CADM1: variants seen among roughly 807,000 people sequenced by gnomAD.
CADM1 encodes TSLC-1.
A neutral mutation model predicts 53.1 loss-of-function variants in CADM1; 15 were observed. That is an observed-to-expected ratio of 0.28 (90% CI 0.19 to 0.44). CADM1 has a LOEUF of 0.44. Ranked by LOEUF, CADM1 falls within the 20% of genes least tolerant of loss-of-function variation. CADM1 has a pLI of 1.00. For synonymous variants in CADM1, 281 were observed against 243.0 expected, an observed-to-expected ratio of 1.16 and a Z score of -1.45; for missense variants, 434 against 611.3, an observed-to-expected ratio of 0.71 and a Z score of 3.06.
chr11:115,474,757 T>A, intron 1 of CADM1, among the ~76,000 whole-genome samples: 1 of 151,034 alleles, frequency 6.6e-6, no homozygotes, highest in South Asian at 2.1e-4. Flanking sequence ...AAATGACGAG[T>A]TAATGGGTGC....
intron 1 of CADM1, among the ~76,000 whole-genome samples, chr11:115,503,733 A>C (rs912473415): frequency 6.6e-6 from 1 of 151,826 alleles, no homozygotes; most frequent in African/African-American, 2.4e-5. Flanking sequence ...GGGGCAGGGG[A>C]GATCAGACAA....
chr11:115,231,183 T>C (rs1164126035), intron 4 of CADM1, among the ~76,000 whole-genome samples, 170 bp downstream of exon 4: 1 of 152,244 alleles, frequency 6.6e-6, no homozygotes, highest in Non-Finnish European at 1.5e-5. Context: ...ATTAGAAGAA[T>C]AAAATGCTTT....
At chr11:115,296,329 G>A (rs1039796415) in intron 1 of CADM1, among the ~76,000 whole-genome samples, 2 of 152,106 alleles carry the variant, frequency 1.3e-5, no homozygotes, top group Non-Finnish European at 2.9e-5. Context: ...AAGTTTGCCC[G>A]CACCAAAACT....
chr11:115,476,690 G>A (rs982141678), intron 1 of CADM1, among the ~76,000 whole-genome samples: 3 of 152,158 alleles, frequency 2.0e-5, no homozygotes, highest in African/African-American at 4.8e-5. Context: ...ACAATGATAA[G>A]AGAATCAGGG....
chr11:115,495,450 A>G (rs1949588199), intron 1 of CADM1, among the ~76,000 whole-genome samples: 1 of 152,204 alleles, frequency 6.6e-6, no homozygotes, highest in Non-Finnish European at 1.5e-5. Flanking sequence ...GTGTCAGGCA[A>G]GCAAAAAAGG....
intron 1 of CADM1, among the ~76,000 whole-genome samples, chr11:115,392,222 TC>T (rs1298783348): frequency 6.6e-6 from 1 of 152,072 alleles, no homozygotes; most frequent in Non-Finnish European, 1.5e-5. Flanking sequence ...TATTTCTTAC[TC>T]CCCACTCAAA....
chr11:115,230,976 T>C (rs573232289), intron 4 of CADM1, among the ~76,000 whole-genome samples: 2 of 152,298 alleles, frequency 1.3e-5, no homozygotes, highest in Admixed American at 6.5e-5. Context: ...TGGTCCCCTC[T>C]AGGTCTCTGC....
At position 115,308,282 on chromosome 11, in the gene CADM1, C is replaced by G. The variant is rs547162031; in HGVS notation, c.125-67862G>C. 4.0e-5 allele frequency among the ~76,000 whole-genome samples: 6 copies of G among 150,744 alleles called. No individual in the cohort carries two copies. The East Asian group carries it at 1.2e-3, about 30-fold the overall frequency. On this transcript the variant is annotated intron_variant, in intron 1 of 11. Coordinates refer to ENST00000331581, the MANE Select transcript of CADM1 (RefSeq NM_001301043.2). ...AACATCACAACAGAATATTTCAGTA[C>G]TCTGGAGCAAAACACTCCACTGTCT...
At chr11:115,317,385 T>C (rs1033128057) in intron 1 of CADM1, among the ~76,000 whole-genome samples, 3 of 151,628 alleles carry the variant, frequency 2.0e-5, no homozygotes, top group Non-Finnish European at 2.9e-5. Flanking sequence ...AGAGTGGTTA[T>C]AAACTGTGAA....
intron 5 of CADM1, among the ~76,000 whole-genome samples, chr11:115,222,836 TACTC>T (rs1177530055): frequency 3.3e-5 from 5 of 152,200 alleles, no homozygotes; most frequent in African/African-American, 1.2e-4. Flanking sequence ...TGGGGGTACA[TACTC>T]ACAGAATATT....
intron 1 of CADM1, among the ~76,000 whole-genome samples, chr11:115,503,289 C>G (rs747017602): frequency 5.9e-5 from 9 of 152,232 alleles, no homozygotes; most frequent in Non-Finnish European, 8.8e-5. Context: ...CATCGGGCTC[C>G]AGCCGAGTGC....
intron 1 of CADM1, among the ~76,000 whole-genome samples, chr11:115,458,646 C>T (rs1401263030): frequency 6.6e-6 from 1 of 151,826 alleles, no homozygotes; most frequent in Admixed American, 6.6e-5. Flanking sequence ...CCCCCATCCA[C>T]ATTTAGCATT....
At chr11:115,471,886 T>G (rs1193799023) in intron 1 of CADM1, among the ~76,000 whole-genome samples, 3 of 152,064 alleles carry the variant, frequency 2.0e-5, no homozygotes, top group African/African-American at 4.8e-5. Flanking sequence ...AAAGATTGGG[T>G]TGGGCATGCA....
chr11:115,353,657 G>A (rs1461354589), intron 1 of CADM1, among the ~76,000 whole-genome samples: 3 of 152,126 alleles, frequency 2.0e-5, no homozygotes, highest in African/African-American at 7.2e-5. Context: ...GTTGAAGGGT[G>A]ACTTGAGTTC....
rs1947522258 is a variant in CADM1 at position 115,413,836 on chromosome 11, G to A, written c.124+90435C>T. Reference sequence around the variant, plus strand: ...ATTTTTGTATTTTTAGTAGAAATGGGGTTTCACCATGTTGGCCAGGCTGGC... The same window carrying A: ...ATTTTTGTATTTTTAGTAGAAATGGAGTTTCACCATGTTGGCCAGGCTGGC... On this transcript the variant is annotated intron_variant, in intron 1 of 11. Coordinates refer to ENST00000331581, the MANE Select transcript of CADM1 (RefSeq NM_001301043.2). Among the ~76,000 whole-genome samples, 2 of 151,842 alleles carry A rather than the reference G, an allele frequency of 1.3e-5. 1 individual carries two copies. Among genetic ancestry groups the A allele is most frequent in the Admixed American group, 1.3e-4 (2 of 15,246 alleles).
At chr11:115,310,488 T>C (rs1014590655) in intron 1 of CADM1, among the ~76,000 whole-genome samples, 5 of 152,042 alleles carry the variant, frequency 3.3e-5, no homozygotes, top group African/African-American at 1.2e-4. Flanking sequence ...CTAGTTCCCA[T>C]GTATGTATGG....
chr11:115,209,546 A>G (rs1211655986), intron 8 of CADM1, 28 bp downstream of exon 8: 3 of 1,457,468 alleles, frequency 2.1e-6, no homozygotes, highest in Admixed American at 3.7e-5. Flanking sequence ...CATTCAGGAC[A>G]TTTTCAATGG....
At chr11:115,496,805 G>GA (rs765558971) in intron 1 of CADM1, among the ~76,000 whole-genome samples, 3 of 152,018 alleles carry the variant, frequency 2.0e-5, no homozygotes, top group Non-Finnish European at 4.4e-5. Context: ...CTAAGGAGGG[G>GA]AAAAAAGACT....
At position 115,392,920 on chromosome 11, in the gene CADM1, A is replaced by G. The variant is rs140765770; in HGVS notation, c.124+111351T>C. Among the ~76,000 whole-genome samples, 621 of 152,206 alleles carry G rather than the reference A, an allele frequency of 4.1e-3. 14 individuals are homozygous for G. Among genetic ancestry groups the G allele is most frequent in the Admixed American group, 0.028 (433 of 15,276 alleles). On this transcript the variant is annotated intron_variant, in intron 1 of 11. Coordinates refer to ENST00000331581, the MANE Select transcript of CADM1 (RefSeq NM_001301043.2). ...CCAGGCACAGTAGTTGTGCACCTGT[A>G]GTTCGCATGTGCTCAGAAGGCTGAG...
Sources: allele counts gnomAD v4.1 joint callset (sites outside exome capture counted in the v4.1 genomes callset), GRCh38; gene constraint gnomAD v4.1.1; transcripts MANE v1.5; gene names NCBI Gene and HGNC (gene_info 2026-07-23, HGNC 2026-07-21).